Variants in TRIM8 observed in about 807,000 individuals in gnomAD.
TRIM8 encodes tripartite motif containing 8.
Under a neutral mutation model 55.7 loss-of-function variants are expected in TRIM8, and 9 were observed. The observed-to-expected ratio is 0.16, with a 90% CI of 0.10 to 0.28. The LOEUF (loss-of-function observed/expected upper bound fraction) is 0.28, where lower values mean the gene tolerates loss of function less well. Among genes scored for constraint, TRIM8 ranks in the 10% least tolerant of loss-of-function variants. The probability of loss-of-function intolerance (pLI) is 1.00; values close to 1 mark genes in which losing one functional copy is unlikely to be tolerated. For synonymous variants in TRIM8, 335 were observed against 333.3 expected, an observed-to-expected ratio of 1.01 and a Z score of -0.06; for missense variants, 556 against 736.4, an observed-to-expected ratio of 0.76 and a Z score of 2.83.
At position 102,657,682 on chromosome 10, in the gene TRIM8, C is replaced by G. The variant is rs2064039332; in HGVS notation, c.*328C>G. On this transcript the variant is annotated 3_prime_UTR_variant, in exon 6 of 6. Coordinates refer to ENST00000643721, the MANE Select transcript of TRIM8 (RefSeq NM_030912.3). ...TCCTCTACTCCTTCCCCTTCACACCCCCGTGGCTGGAAGGAACCTCGGCTT... is the reference window on the plus strand; with the variant it reads ...TCCTCTACTCCTTCCCCTTCACACCGCCGTGGCTGGAAGGAACCTCGGCTT... 1 of 210,852 alleles carries G rather than the reference C, an allele frequency of 4.7e-6. No homozygotes were observed. The highest frequency in any genetic ancestry group is 9.4e-6 in the Non-Finnish European group (1 of 106,362). The allele number at this position is 210,852 out of a possible 1,614,324, so 13.1% of individuals were successfully genotyped here.
chr10:102,651,066 G>A (rs983584338), intron 1 of TRIM8, among the ~76,000 whole-genome samples: 8 of 152,132 alleles, frequency 5.3e-5, no homozygotes, highest in Admixed American at 3.3e-4. Flanking sequence ...GCAGCCCCCC[G>A]GACTCCTCCC....
At chr10:102,645,425 T>A in intron 1 of TRIM8, 1 of 467,408 alleles carries the variant, frequency 2.1e-6, no homozygotes, top group Non-Finnish European at 3.8e-6. Context: ...GAGTGCTTTA[T>A]GGGATTGGGG....
Position 102,656,802 on chromosome 10 carries a change from C to A in TRIM8, c.1104C>A (p.Gly368=), listed in dbSNP as rs766663012. ...AGAGTGTCCCCCTGTACCCTTGCGGCGTGAGCAGCTCTGGGGCGGAAAAGC... is the reference window on the plus strand; with the variant it reads ...AGAGTGTCCCCCTGTACCCTTGCGGAGTGAGCAGCTCTGGGGCGGAAAAGC... The part of the protein sequence containing the change: ...FLQSVPLYPC[G]VSSSGAEKRK... The change falls in exon 6 of 6, where the codon GGC becomes GGA. Residue 368 remains glycine, a synonymous_variant. Coordinates refer to ENST00000643721, the MANE Select transcript of TRIM8 (RefSeq NM_030912.3). This position sits in a 1 kb window ranked among gnomAD's most constrained non-coding sequence, Gnocchi z 4.6. 3.3e-6 allele frequency: 5 copies of A among 1,521,410 alleles called. No individual in the cohort carries two copies. In the South Asian group the frequency reaches 6.6e-5, roughly 20 times the overall value. 94.2% of individuals were successfully genotyped at this position (1,521,410 alleles called of 1,614,324 possible). A position where few individuals can be genotyped will look rare whatever the true frequency, so the allele number is the denominator to read the frequency against.
intron 1 of TRIM8, chr10:102,645,407 C>G: frequency 2.0e-6 from 1 of 508,852 alleles, no homozygotes; most frequent in Admixed American, 3.9e-5. Flanking sequence ...GCACAGGGTC[C>G]GTCTTCTGAG....
At chr10:102,648,075 G>A (rs889750562) in intron 1 of TRIM8, among the ~76,000 whole-genome samples, 3 of 152,138 alleles carry the variant, frequency 2.0e-5, no homozygotes, top group African/African-American at 7.2e-5. Flanking sequence ...GGATGATCCC[G>A]AGACCATTGT....
chr10:102,646,504 C>T (rs916566326), intron 1 of TRIM8, among the ~76,000 whole-genome samples: 3 of 152,196 alleles, frequency 2.0e-5, no homozygotes, highest in African/African-American at 7.2e-5. Flanking sequence ...AAAACATACA[C>T]ATACAACCAA....
rs747880485 is a variant in TRIM8, at chr10:102,644,581, C to T, written c.-37C>T. The T allele has an allele frequency of 7.5e-6, 12 of 1,592,880 alleles. No individual in the cohort carries two copies. The highest frequency in any genetic ancestry group is 1.0e-5 in the Non-Finnish European group (12 of 1,170,150). On this transcript the variant is annotated 5_prime_UTR_variant, in exon 1 of 6. Transcript: ENST00000643721. Reference sequence around the variant, plus strand: ...GGACGGACCCCCGGGGCTGGGGAGTCGGGGAGGCCTGCCCCGGCCCCCTGC... The same window carrying T: ...GGACGGACCCCCGGGGCTGGGGAGTTGGGGAGGCCTGCCCCGGCCCCCTGC...
chr10:102,650,920 C>T (rs1230510324), intron 1 of TRIM8, among the ~76,000 whole-genome samples: 1 of 152,118 alleles, frequency 6.6e-6, no homozygotes, highest in Non-Finnish European at 1.5e-5. Flanking sequence ...GGGGTGGGGT[C>T]GTGAAGGGGA....
Position 102,644,634 on chromosome 10 carries a change from A to G in TRIM8, c.17A>G (p.Lys6Arg). The change falls in exon 1 of 6, where the codon AAG (lysine) becomes AGG (arginine). Residue 6 changes from lysine to arginine, a missense_variant. Lys to Arg is a conservative substitution (Grantham distance 26). Transcript: ENST00000643721. ...GCGGCCGCCATGGCGGAGAATTGGA[A>G]GAACTGCTTCGAGGAGGAGCTCATC... MAENWKNCFEEELICP... is the reference protein window; with the variant it reads MAENWRNCFEEELICP... The G allele has an allele frequency of 1.2e-6, 2 of 1,612,820 alleles. No individual in the cohort carries two copies. Among genetic ancestry groups the G allele is most frequent in the South Asian group, 2.2e-5 (2 of 91,074 alleles).
intron 1 of TRIM8, among the ~76,000 whole-genome samples, chr10:102,650,555 C>T (rs996962267): frequency 1.3e-5 from 2 of 152,198 alleles, no homozygotes; most frequent in Non-Finnish European, 2.9e-5. Context: ...GAGCTTCTAG[C>T]CCAGGCCACG....
chr10:102,654,389 A>G (rs1427356054), intron 1 of TRIM8: 1 of 340,148 alleles, frequency 2.9e-6, no homozygotes, highest in Non-Finnish European at 5.5e-6. Context: ...GTGAGCCGAG[A>G]TCGCACCACT....
At chr10:102,651,350 A>C (rs1028968050) in intron 1 of TRIM8, among the ~76,000 whole-genome samples, 1 of 152,272 alleles carries the variant, frequency 6.6e-6, no homozygotes, top group Admixed American at 6.5e-5. Context: ...CCACCCCCCC[A>C]GGACTGGACA....
At chr10:102,648,692 T>A (rs1018523833) in intron 1 of TRIM8, among the ~76,000 whole-genome samples, 1 of 152,180 alleles carries the variant, frequency 6.6e-6, no homozygotes, top group Non-Finnish European at 1.5e-5. Context: ...GGGCTGGTGC[T>A]GAGGCTGGGG....
At chr10:102,654,894 G>C in intron 2 of TRIM8, 146 bp downstream of exon 2, 3 of 909,286 alleles carry the variant, frequency 3.3e-6, no homozygotes, top group Non-Finnish European at 5.4e-6. Context: ...ATGCCCACTG[G>C]TGCCAGGGGA....
intron 2 of TRIM8, 26 bp downstream of exon 2, chr10:102,654,774 G>GC: frequency 6.4e-7 from 1 of 1,565,780 alleles, no homozygotes; most frequent in Non-Finnish European, 8.8e-7. Context: ...GCCATGCTGC[G>GC]GGGTGGGGGT....
In TRIM8 at chr10:102,645,161, G is replaced by T. The variant is rs777128864; in HGVS notation, c.544G>T (p.Val182Leu). Reference protein sequence around the residue: ...GAHQGHSVCDVEIRRNEIRKM... With the variant: ...GAHQGHSVCDLEIRRNEIRKM... ...GCATCAGGGACACTCGGTGTGCGACGTGGAGATCCGAAGGAATGAAATCCG... is the reference window on the plus strand; with the variant it reads ...GCATCAGGGACACTCGGTGTGCGACTTGGAGATCCGAAGGAATGAAATCCG... Residue 182 changes from valine to leucine, a missense_variant, in exon 1 of 6, where the codon GTG (valine) becomes TTG (leucine). Val to Leu is a conservative substitution (Grantham distance 32, BLOSUM62 1). This residue lies in a region of TRIM8 where 165 missense variants were observed against 295.3 expected (regional missense o/e 0.56). Coordinates refer to ENST00000643721, the MANE Select transcript of TRIM8 (RefSeq NM_030912.3). 4 of 1,559,328 alleles carry T rather than the reference G, an allele frequency of 2.6e-6. No individual in the cohort carries two copies. In the East Asian group the frequency reaches 9.1e-5, roughly 36 times the overall value.
Position 102,657,281 on chromosome 10 carries a change from C to G in TRIM8, c.1583C>G (p.Ser528Cys). 1 of 1,613,636 alleles carries G rather than the reference C, an allele frequency of 6.2e-7. No individual in the cohort carries two copies. The highest frequency in any genetic ancestry group is 8.5e-7 in the Non-Finnish European group (1 of 1,179,760). ...GCGGTCAGAGACTGGCTTGACGCCTCCCAGCAGCCCGGCCACCAGGATTTC... is the reference window on the plus strand; with the variant it reads ...GCGGTCAGAGACTGGCTTGACGCCTGCCAGCAGCCCGGCCACCAGGATTTC... ...SLAVRDWLDA[S>C]QQPGHQDFYR... Residue 528 changes from serine (S) to cysteine (C), a missense_variant, in exon 6 of 6, where the codon TCC (serine) becomes TGC (cysteine). Coordinates refer to ENST00000643721, the MANE Select transcript of TRIM8 (RefSeq NM_030912.3).
chr10:102,652,939 G>A (rs1056484653), intron 1 of TRIM8, among the ~76,000 whole-genome samples: 1 of 152,002 alleles, frequency 6.6e-6, no homozygotes. Context: ...GAGTAGTTGC[G>A]ATTACAGGCA....
intron 1 of TRIM8, among the ~76,000 whole-genome samples, chr10:102,652,621 G>A (rs1006284229): frequency 6.6e-6 from 1 of 152,148 alleles, no homozygotes; most frequent in African/African-American, 2.4e-5. Flanking sequence ...ATTCTTAAGA[G>A]GCCCTGTGTC....
Sources: gnomAD v4.1 joint callset for allele counts (sites outside exome capture counted in the v4.1 genomes callset) on GRCh38, gnomAD v4.1.1 for gene constraint, gnomAD v4.1.1 regional missense constraint, Gnocchi (gnomAD v3.1) non-coding constraint, MANE v1.5 for transcripts, NCBI Gene and HGNC (gene_info 2026-07-23, HGNC 2026-07-21) for gene names.